Variants in ZNRF1 observed in about 807,000 individuals in gnomAD.
The protein encoded by ZNRF1 is E3 ubiquitin-protein ligase ZNRF1.
A neutral mutation model predicts 18.4 loss-of-function variants in ZNRF1; 3 were observed. The ratio of observed to expected loss-of-function variants is 0.16; its 90% CI spans 0.07 to 0.42. The LOEUF is 0.42. Ranked by LOEUF, ZNRF1 falls within the 10% of genes least tolerant of loss-of-function variation. ZNRF1 has a pLI of 0.99. For synonymous variants in ZNRF1, 157 were observed against 144.2 expected (o/e 1.09, Z -0.64); for missense variants, 310 against 329.8 (o/e 0.94, Z 0.47).
intron 2 of ZNRF1, among the ~76,000 whole-genome samples, chr16:75,101,960 G>C (rs1010629392): frequency 6.6e-6 from 1 of 152,190 alleles, no homozygotes; most frequent in Non-Finnish European, 1.5e-5. Flanking sequence ...TCCCTTCTCA[G>C]TTTGTGTCAC....
intron 1 of ZNRF1, among the ~76,000 whole-genome samples, chr16:75,083,833 A>C (rs1249382558): frequency 6.6e-6 from 1 of 152,128 alleles, no homozygotes; most frequent in African/African-American, 2.4e-5. Context: ...GGAAGATAGA[A>C]CCAAGAGATT....
At chr16:75,083,636 G>A (rs2036041200) in intron 1 of ZNRF1, among the ~76,000 whole-genome samples, 1 of 152,164 alleles carries the variant, frequency 6.6e-6, no homozygotes, top group Non-Finnish European at 1.5e-5. Context: ...CTAGATTGCA[G>A]TTGATACAAG....
chr16:75,105,006 C>A, intron 3 of ZNRF1, 117 bp downstream of exon 3: 1 of 836,738 alleles, frequency 1.2e-6, no homozygotes, highest in Non-Finnish European at 1.9e-6. Context: ...ACCTCTGGCT[C>A]CGAGCGGGTA....
intron 2 of ZNRF1, among the ~76,000 whole-genome samples, chr16:75,102,606 C>T (rs893175540): frequency 2.0e-5 from 3 of 152,164 alleles, no homozygotes; most frequent in Non-Finnish European, 4.4e-5. Flanking sequence ...TTCAAATATT[C>T]ATGTCGGCCT....
rs1240412674 is a variant in ZNRF1, at chr16:74,999,961, A to T, written c.290A>T (p.Tyr97Phe). ...GGAGGGTCTGCGTCCGACTCCACCT[A>T]TGCCCATGGCAATGGTTACCAGGAG... Reference protein sequence around the residue: ...GGGGSASDSTYAHGNGYQETG... With the variant: ...GGGGSASDSTFAHGNGYQETG... Residue 97 changes from tyrosine to phenylalanine, a missense_variant, in exon 1 of 5, where the codon TAT becomes TTT. By Grantham distance (22) the Tyr-to-Phe change is conservative. Coordinates refer to ENST00000335325, the MANE Select transcript of ZNRF1 (RefSeq NM_032268.5). 1.3e-6 allele frequency: 2 copies of T among 1,580,000 alleles called. No individual in the cohort carries two copies. Among genetic ancestry groups the T allele is most frequent in the Admixed American group, 3.6e-5 (2 of 54,878 alleles).
At chr16:75,058,112 T>C (rs1224688089) in intron 1 of ZNRF1, among the ~76,000 whole-genome samples, 4 of 151,560 alleles carry the variant, frequency 2.6e-5, no homozygotes, top group East Asian at 1.9e-4. Context: ...TTTTCTTTTT[T>C]TTTTTTTTTT....
At position 75,108,700 on chromosome 16, in the gene ZNRF1, TAATA is replaced by T. The variant is rs1362869289; in HGVS notation, c.*1003_*1006del. 1.8e-5 allele frequency: 7 copies of T among 396,848 alleles called. No homozygotes were observed. The highest frequency in any genetic ancestry group is 2.7e-5 in the Non-Finnish European group (6 of 225,128). 24.6% of individuals were successfully genotyped at this position (396,848 alleles called of 1,614,324 possible). On this transcript the variant is annotated 3_prime_UTR_variant, in exon 5 of 5. Coordinates refer to ENST00000335325, the MANE Select transcript of ZNRF1 (RefSeq NM_032268.5). ...TGTTTTGATATGGTATTAAAATGTCTAATAAAAGATGGCACTGCGTGATTTTATT... is the reference window on the plus strand; with the variant it reads ...TGTTTTGATATGGTATTAAAATGTCTAAAGATGGCACTGCGTGATTTTATT...
intron 2 of ZNRF1, among the ~76,000 whole-genome samples, chr16:75,097,627 C>G (rs2036214567): frequency 6.6e-6 from 1 of 152,112 alleles, no homozygotes; most frequent in Non-Finnish European, 1.5e-5. Flanking sequence ...TGAAACCAGC[C>G]TGGGCAACAT....
At chr16:75,062,433 C>A (rs1441329774) in intron 1 of ZNRF1, among the ~76,000 whole-genome samples, 1 of 152,206 alleles carries the variant, frequency 6.6e-6, no homozygotes, top group African/African-American at 2.4e-5. Context: ...GAAATGAATT[C>A]TTTATCGGAA....
chr16:75,037,492 C>T (rs955277517), intron 1 of ZNRF1, among the ~76,000 whole-genome samples: 3 of 152,068 alleles, frequency 2.0e-5, no homozygotes, highest in African/African-American at 7.2e-5. Flanking sequence ...TGTGCACCAC[C>T]ATGCCTGGTT....
intron 1 of ZNRF1, among the ~76,000 whole-genome samples, chr16:75,072,480 C>A (rs1372856524): frequency 6.6e-6 from 1 of 152,130 alleles, no homozygotes; most frequent in East Asian, 1.9e-4. Context: ...AGAGTTTAAG[C>A]TTCAGGAAGG....
chr16:75,081,664 A>T (rs562214709), intron 1 of ZNRF1, among the ~76,000 whole-genome samples: 1 of 152,270 alleles, frequency 6.6e-6, no homozygotes, highest in African/African-American at 2.4e-5. Context: ...TGGAGCAGCC[A>T]TGTATGTGCA....
At chr16:75,045,103 G>A (rs1020735442) in intron 1 of ZNRF1, among the ~76,000 whole-genome samples, 4 of 152,142 alleles carry the variant, frequency 2.6e-5, no homozygotes, top group Admixed American at 1.3e-4. Context: ...GTGCTTGTCC[G>A]GCTGCCTCAA....
chr16:75,033,818 G>A (rs564599801), intron 1 of ZNRF1, among the ~76,000 whole-genome samples: 4 of 152,244 alleles, frequency 2.6e-5, no homozygotes, highest in African/African-American at 4.8e-5. Flanking sequence ...TTTAAAGATT[G>A]TTAAAATTAA....
chr16:75,020,682 C>G (rs1418441479), intron 1 of ZNRF1, among the ~76,000 whole-genome samples: 2 of 152,068 alleles, frequency 1.3e-5, no homozygotes, highest in Non-Finnish European at 2.9e-5. Context: ...GCTGGGACTA[C>G]AGGCGCTCGC....
intron 1 of ZNRF1, among the ~76,000 whole-genome samples, chr16:75,035,650 G>A (rs570792776): frequency 6.2e-4 from 95 of 152,292 alleles, no homozygotes; most frequent in Admixed American, 3.7e-3. Flanking sequence ...TCAAATGCAC[G>A]GTTTGACCCT....
chr16:75,034,195 A>T (rs1178599535), intron 1 of ZNRF1, among the ~76,000 whole-genome samples: 1 of 152,186 alleles, frequency 6.6e-6, no homozygotes, highest in Non-Finnish European at 1.5e-5. Flanking sequence ...TTATTTAAAA[A>T]TGTACAGTTC....
chr16:75,070,453 A>G (rs1041468944), intron 1 of ZNRF1, among the ~76,000 whole-genome samples: 1 of 152,076 alleles, frequency 6.6e-6, no homozygotes, highest in African/African-American at 2.4e-5. Flanking sequence ...TAAACCCTCA[A>G]TGGACCTTGC....
chr16:75,048,930 G>GT (rs2035552731), intron 1 of ZNRF1, among the ~76,000 whole-genome samples: 8 of 151,488 alleles, frequency 5.3e-5, no homozygotes. Flanking sequence ...TCAAGAAATT[G>GT]TTTAGTTATT....
Sources: allele counts gnomAD v4.1 joint callset (sites outside exome capture counted in the v4.1 genomes callset), GRCh38; gene constraint gnomAD v4.1.1; transcripts MANE v1.5; gene names NCBI Gene and HGNC (gene_info 2026-07-23, HGNC 2026-07-21).